Variants in SLC26A3 observed in about 807,000 individuals in gnomAD.
SLC26A3 encodes the protein solute carrier family 26 member 3.
SLC26A3 carries 64 observed loss-of-function variants against 85.6 expected under a neutral mutation model. That is an observed-to-expected ratio of 0.75 (90% confidence interval 0.61 to 0.92). SLC26A3 has a LOEUF of 0.92. Among genes scored for constraint, SLC26A3 ranks in the 40% least tolerant of loss-of-function variants. The pLI is 0.00. For synonymous variants in SLC26A3, 349 were observed against 336.0 expected (o/e 1.04, Z -0.42); for missense variants, 922 against 927.3 (o/e 0.99, Z 0.07).
At chr7:107,788,784 C>CTTTTTTTTTTTTTTTTTTT (rs71861759) in intron 6 of SLC26A3, among the ~76,000 whole-genome samples, 18 of 108,030 alleles carry the variant, frequency 1.7e-4, no homozygotes, top group African/African-American at 2.4e-4. Flanking sequence ...TTTTTCTTTT[C>CTTTTTTTTTTTTTTTTTTT]TTTTTTTTTT....
intron 18 of SLC26A3, among the ~76,000 whole-genome samples, chr7:107,769,649 C>T (rs1793971175): frequency 6.6e-6 from 1 of 151,992 alleles, no homozygotes; most frequent in Non-Finnish European, 1.5e-5. Context: ...ATCTGGGTGA[C>T]AAAATAATCT....
At chr7:107,802,024 A>G (rs1413672461) in intron 1 of SLC26A3, among the ~76,000 whole-genome samples, 1 of 150,916 alleles carries the variant, frequency 6.6e-6, no homozygotes, top group African/African-American at 2.4e-5. Context: ...CCTGGGAGGC[A>G]GAGGTTGCAG....
intron 1 of SLC26A3, among the ~76,000 whole-genome samples, chr7:107,801,981 AC>A (rs1794606842): frequency 1.3e-5 from 2 of 151,212 alleles, no homozygotes; most frequent in Non-Finnish European, 2.9e-5. Flanking sequence ...AGTATCAGCT[AC>A]TTGGGGGGCT....
chr7:107,787,184 A>T, intron 7 of SLC26A3, among the ~76,000 whole-genome samples, 173 bp downstream of exon 7: 1 of 152,220 alleles, frequency 6.6e-6, no homozygotes, highest in East Asian at 1.9e-4. Context: ...ACTCAAAATC[A>T]TAAGAGGAAG....
intron 15 of SLC26A3, 24 bp from the exon 16 acceptor site, chr7:107,774,896 CA>C: frequency 6.5e-7 from 1 of 1,547,430 alleles, no homozygotes; most frequent in African/African-American, 1.4e-5. Context: ...TGCTGTGTTA[CA>C]AGAGTACTGA....
intron 18 of SLC26A3, among the ~76,000 whole-genome samples, 183 bp downstream of exon 18, chr7:107,771,871 A>G (rs1052725444): frequency 5.9e-5 from 9 of 152,240 alleles, no homozygotes; most frequent in African/African-American, 1.7e-4. Context: ...ATTTAATTAC[A>G]TATCAACATA....
chr7:107,789,425 A>G, intron 6 of SLC26A3, 99 bp downstream of exon 6: 1 of 1,218,240 alleles, frequency 8.2e-7, no homozygotes, highest in African/African-American at 1.5e-5. Context: ...TACAAACTGT[A>G]GGTAAACCCC....
At chr7:107,780,293 C>T (rs879103645) in intron 11 of SLC26A3, among the ~76,000 whole-genome samples, 2 of 152,022 alleles carry the variant, frequency 1.3e-5, no homozygotes, top group Admixed American at 6.6e-5. Context: ...ATGTTAAATG[C>T]ATACAGGAGG....
intron 1 of SLC26A3, among the ~76,000 whole-genome samples, chr7:107,800,082 T>G (rs189760863): frequency 2.2e-4 from 33 of 152,344 alleles, no homozygotes; most frequent in Non-Finnish European, 3.1e-4. Flanking sequence ...CACTCCTCCT[T>G]CACAATTGCA....
At chr7:107,766,113 T>C (rs1793910593) in intron 20 of SLC26A3, among the ~76,000 whole-genome samples, 1 of 152,234 alleles carries the variant, frequency 6.6e-6, no homozygotes, top group Non-Finnish European at 1.5e-5. Flanking sequence ...GCAATATCTT[T>C]CTTCACATTT....
chr7:107,789,029 A>T (rs1425317272), intron 6 of SLC26A3, among the ~76,000 whole-genome samples: 3 of 150,116 alleles, frequency 2.0e-5, no homozygotes, highest in African/African-American at 7.4e-5. Context: ...GTGTCAAGTG[A>T]TCCTCCTACC....
At chr7:107,784,048 A>C (rs1329279752) in intron 8 of SLC26A3, among the ~76,000 whole-genome samples, 1 of 152,226 alleles carries the variant, frequency 6.6e-6, no homozygotes, top group Admixed American at 6.5e-5. Flanking sequence ...ACATCAATTT[A>C]CTAAAATGTT....
chr7:107,787,610 A>G, intron 6 of SLC26A3, 101 bp from the exon 7 acceptor site: 3 of 909,626 alleles, frequency 3.3e-6, no homozygotes, highest in Non-Finnish European at 5.2e-6. Context: ...AAGCAAAAAG[A>G]CTGATAGAGA....
intron 3 of SLC26A3, among the ~76,000 whole-genome samples, chr7:107,792,680 G>T (rs1046105168): frequency 6.6e-6 from 1 of 152,120 alleles, no homozygotes; most frequent in Non-Finnish European, 1.5e-5. Context: ...GACCTGTACT[G>T]GTCTGTGGCC....
rs575987573 is a variant in SLC26A3, at chr7:107,783,141, T to C, written c.1120-48A>G. 6 of 1,613,526 alleles carry C rather than the reference T, an allele frequency of 3.7e-6. No individual in the cohort carries two copies. In the East Asian group the frequency reaches 1.3e-4, roughly 36 times the overall value. On this transcript the variant is annotated intron_variant, in intron 9 of 20. Coordinates refer to ENST00000340010, the MANE Select transcript of SLC26A3 (RefSeq NM_000111.3). ...CCTTTTTCAGAAGTGGCACCATTGA[T>C]ATTATGTGTGCAAAATATTATTTAA... is the stretch of plus-strand genomic sequence containing the variant.
In SLC26A3 at chr7:107,791,080, C is replaced by G. The variant is rs1294538532; in HGVS notation, c.538G>C (p.Ala180Pro). The G allele has an allele frequency of 1.2e-6, 2 of 1,613,986 alleles. No individual in the cohort carries two copies. Among genetic ancestry groups the G allele is most frequent in the East Asian group, 4.5e-5 (2 of 44,872 alleles). ...ATTCCAGAAAGCACTGTGACTGATG[C>G]CGCCGCCGCCACCCTCACCCTCTCG... The part of the protein sequence containing the change: ...DDERVRVAAA[A>P]SVTVLSGIIQ... Residue 180 changes from alanine (A) to proline (P), a missense_variant, in exon 5 of 21, where the codon GCA becomes CCA. Physicochemically the swap from Ala to Pro is conservative, Grantham distance 27. Transcript: ENST00000340010.
intron 18 of SLC26A3, among the ~76,000 whole-genome samples, chr7:107,769,930 T>C (rs1793976249): frequency 6.6e-6 from 1 of 152,040 alleles, no homozygotes; most frequent in African/African-American, 2.4e-5. Flanking sequence ...CAAAATGTCA[T>C]ATTGCTGGAC....
At position 107,767,802 on chromosome 7, in the gene SLC26A3, C is replaced by G. The variant is rs142908255; in HGVS notation, c.2169G>C (p.Lys723Asn). ...TAAACTTTGAAGTACTGTAATCTTT[C>G]TTCATCAAAATATGCAAAACAGCAT... ...IHDAVLHILM[K>N]KDYSTSKFNP... Residue 723 changes from lysine to asparagine, a missense_variant, in exon 19 of 21, where the codon AAG (lysine) becomes AAC (asparagine). Coordinates refer to ENST00000340010, the MANE Select transcript of SLC26A3 (RefSeq NM_000111.3). The G allele has an allele frequency of 6.3e-4, 1,009 of 1,613,772 alleles. 4 individuals are homozygous for G. The Middle Eastern group carries it at 0.01, about 16-fold the overall frequency.
chr7:107,774,099 T>C lies in SLC26A3; in HGVS notation c.1828A>G (p.Asn610Asp), dbSNP rs756998584. Reference protein sequence around the residue: ...TIKDSDEELDNNQIEVLDQPI... With the variant: ...TIKDSDEELDDNQIEVLDQPI... ...TGGTCCAGTACTTCTATCTGATTGT[T>C]GTCCAGCTCTTCGTCAGAATCTTTT... Residue 610 changes from asparagine to aspartate, a missense_variant, in exon 17 of 21, where the codon AAC becomes GAC. Coordinates refer to ENST00000340010, the MANE Select transcript of SLC26A3 (RefSeq NM_000111.3). 42 of 1,614,094 alleles carry C rather than the reference T, an allele frequency of 2.6e-5. No individual in the cohort carries two copies. Among genetic ancestry groups the C allele is most frequent in the Non-Finnish European group, 3.3e-5 (39 of 1,180,032 alleles).
Sources: gnomAD v4.1 joint callset for allele counts (sites outside exome capture counted in the v4.1 genomes callset) on GRCh38, gnomAD v4.1.1 for gene constraint, MANE v1.5 for transcripts, NCBI Gene and HGNC (gene_info 2026-07-23, HGNC 2026-07-21) for gene names.